Variants in GLT1D1 observed in about 807,000 individuals in gnomAD.
The protein encoded by GLT1D1 is glycosyltransferase 1 domain containing 1.
In GLT1D1, 21 loss-of-function variants were observed where a neutral mutation model predicts 28.7. The ratio of observed to expected loss-of-function variants is 0.73; its 90% CI spans 0.52 to 1.05. GLT1D1 has a LOEUF of 1.05. Ranked by LOEUF, GLT1D1 falls within the 50% of genes least tolerant of loss-of-function variation. GLT1D1 has a pLI of 0.00. For synonymous variants in GLT1D1, 147 were observed against 124.8 expected (o/e 1.18, Z -1.19); for missense variants, 343 against 330.6 (o/e 1.04, Z -0.29).
intron 7 of GLT1D1, among the ~76,000 whole-genome samples, chr12:128,971,064 T>C (rs915964662): frequency 6.6e-6 from 1 of 152,198 alleles, no homozygotes; most frequent in Non-Finnish European, 1.5e-5. Flanking sequence ...CTCTCATTTC[T>C]TTTTCTTTTC....
At chr12:128,864,038 G>C (rs945187452) in intron 1 of GLT1D1, 1 of 502,936 alleles carries the variant, frequency 2.0e-6, no homozygotes, top group Non-Finnish European at 3.6e-6. Flanking sequence ...AAGAGCACTA[G>C]GGGGACTTCC....
At chr12:128,854,496 C>A (rs1956162127) in intron 1 of GLT1D1, among the ~76,000 whole-genome samples, 1 of 151,666 alleles carries the variant, frequency 6.6e-6, no homozygotes, top group South Asian at 2.1e-4. Context: ...GGGCCTGTTT[C>A]CCCATCAATT....
At chr12:128,871,885 A>G (rs1956697415) in intron 1 of GLT1D1, among the ~76,000 whole-genome samples, 2 of 152,138 alleles carry the variant, frequency 1.3e-5, no homozygotes, top group Non-Finnish European at 2.9e-5. Context: ...ACTTTGTTCT[A>G]TAGTACTGTC....
chr12:128,947,157 T>C (rs909238474), intron 5 of GLT1D1, 181 bp from the exon 10 acceptor site: 4 of 646,924 alleles, frequency 6.2e-6, no homozygotes, highest in Non-Finnish European at 1.1e-5. Context: ...CTCCCTCCCT[T>C]GTCAGGGACA....
At chr12:128,944,347 TTGG>T in intron 4 of GLT1D1, 1 of 802,098 alleles carries the variant, frequency 1.2e-6, no homozygotes, top group South Asian at 1.3e-5. Flanking sequence ...CCAAATCTTG[TTGG>T]TTTCTGTTCT....
At chr12:128,965,710 TAAAAAAAAAAAAAA>T (rs757636287) in intron 7 of GLT1D1, among the ~76,000 whole-genome samples, 1 of 104,728 alleles carries the variant, frequency 9.5e-6, no homozygotes, top group East Asian at 3.2e-4. Context: ...TGTCTCTGCT[TAAAAAAAAAAAAAA>T]AAAAAAAAAA....
At chr12:128,855,846 G>C (rs778874072) in intron 1 of GLT1D1, among the ~76,000 whole-genome samples, 1 of 141,254 alleles carries the variant, frequency 7.1e-6, no homozygotes, top group Non-Finnish European at 1.5e-5. Flanking sequence ...TCTGCCCCCC[G>C]GTTCCAGCGA....
intron 4 of GLT1D1, among the ~76,000 whole-genome samples, chr12:128,934,791 T>G (rs768264788): frequency 1.3e-5 from 2 of 152,186 alleles, no homozygotes; most frequent in Non-Finnish European, 2.9e-5. Flanking sequence ...CAAGAAGCCC[T>G]TCATTCAAGG....
chr12:128,960,036 C>A lies in GLT1D1; in HGVS notation c.639+2393C>A, dbSNP rs137966462. Among the ~76,000 whole-genome samples, 487 of 152,152 alleles carry A rather than the reference C, an allele frequency of 3.2e-3. 2 individuals are homozygous for A. Among genetic ancestry groups the A allele is most frequent in the African/African-American group, 0.011 (461 of 41,532 alleles). ...TGTAAGATACTCCTTTTAATGTCTG[C>A]AAATCATTATCGTGCCGCCGATGTA... On this transcript the variant is annotated intron_variant, in intron 7 of 7. Transcript: ENST00000281703.
rs1222871210 is a variant in GLT1D1, at chr12:128,871,948, T to TTA, written c.69-3965_69-3964insAT. 2.0e-5 allele frequency among the ~76,000 whole-genome samples: 3 copies of TTA among 151,974 alleles called. No individual in the cohort carries two copies. The East Asian group carries it at 5.8e-4, about 29-fold the overall frequency. On this transcript the variant is annotated intron_variant, in intron 1 of 7. Transcript: ENST00000281703. ...AATTTTTTTTTAATTTATTTTTTAT[T>TTA]TTTATTTATTTATTTATTTTTGAGA...
rs1295382100 is a variant in GLT1D1, at chr12:128,983,144, TCAGAGA to T, written c.*60_*65del. 1.1e-4 allele frequency: 164 copies of T among 1,508,138 alleles called. 1 individual carries two copies. In the South Asian group the frequency reaches 1.7e-3, roughly 15 times the overall value. 93.4% of individuals were successfully genotyped at this position (1,508,138 alleles called of 1,614,324 possible). A position where few individuals can be genotyped will look rare whatever the true frequency, so the allele number is the denominator to read the frequency against. ...CTGACACACAGCTCTGGGTGCACAC[TCAGAGA>T]CAGAGTTCTGGATCACGTGGGCCCA... On this transcript the variant is annotated 3_prime_UTR_variant, in exon 8 of 8. Coordinates refer to ENST00000281703, the MANE Select transcript of GLT1D1 (RefSeq NM_144669.3). This position sits in a 1 kb window ranked among gnomAD's most constrained non-coding sequence, Gnocchi z 4.7.
At chr12:128,868,660 T>TAG (rs1291002560) in intron 1 of GLT1D1, among the ~76,000 whole-genome samples, 1 of 152,010 alleles carries the variant, frequency 6.6e-6, no homozygotes, top group Non-Finnish European at 1.5e-5. Context: ...TAGCAGTGAG[T>TAG]AGCTCCTCGA....
chr12:128,966,956 C>T (rs917727118), intron 7 of GLT1D1, among the ~76,000 whole-genome samples: 22 of 152,140 alleles, frequency 1.4e-4, no homozygotes, highest in African/African-American at 5.3e-4. Context: ...GTTATTTCTC[C>T]TTTTAAGAAG....
In GLT1D1 at chr12:128,944,935, T is replaced by C. The variant is rs563526335; in HGVS notation, c.376-391T>C. 1.9e-5 allele frequency: 10 copies of C among 531,884 alleles called. No individual in the cohort carries two copies. In the Admixed American group the frequency reaches 3.1e-4, roughly 16 times the overall value. 32.9% of individuals were successfully genotyped at this position (531,884 alleles called of 1,614,324 possible). A position where few individuals can be genotyped will look rare whatever the true frequency, so the allele number is the denominator to read the frequency against. ...TTACATTAGGTATTTCTCGTAACGC[T>C]ATCCCTCCTCCAGCCCCCGACCCCC... On this transcript the variant is annotated intron_variant, in intron 4 of 7. Transcript: ENST00000281703.
At chr12:128,975,226 G>A (rs529069557) in intron 7 of GLT1D1, among the ~76,000 whole-genome samples, 4 of 152,256 alleles carry the variant, frequency 2.6e-5, no homozygotes, top group Admixed American at 6.5e-5. Flanking sequence ...TTCACTGGGG[G>A]TCAGTCTTGG....
chr12:128,897,061 C>G (rs1869731045), intron 3 of GLT1D1, among the ~76,000 whole-genome samples: 1 of 152,156 alleles, frequency 6.6e-6, no homozygotes, highest in African/African-American at 2.4e-5. Flanking sequence ...TCACCTTTGT[C>G]AACATTGGGC....
chr12:128,898,586 T>C (rs555170533), intron 3 of GLT1D1, among the ~76,000 whole-genome samples: 7 of 152,232 alleles, frequency 4.6e-5, no homozygotes, highest in Non-Finnish European at 8.8e-5. Flanking sequence ...GGATTTTATT[T>C]GAATTATTGA....
chr12:128,946,741 C>G (rs549754107), intron 5 of GLT1D1, among the ~76,000 whole-genome samples: 136 of 141,334 alleles, frequency 9.6e-4, no homozygotes, highest in Non-Finnish European at 1.7e-3. Context: ...CTCCGCCTCC[C>G]GGGTTCGAGC....
At chr12:128,892,993 C>T (rs1593093069) in intron 3 of GLT1D1, among the ~76,000 whole-genome samples, 1 of 152,098 alleles carries the variant, frequency 6.6e-6, no homozygotes, top group East Asian at 1.9e-4. Flanking sequence ...TGCCTGTAAT[C>T]CCAGCACTTT....
Sources: allele counts gnomAD v4.1 joint callset (sites outside exome capture counted in the v4.1 genomes callset), GRCh38; gene constraint gnomAD v4.1.1; non-coding constraint Gnocchi (gnomAD v3.1); transcripts MANE v1.5; gene names NCBI Gene and HGNC (gene_info 2026-07-23, HGNC 2026-07-21).